SHC3: variants seen among roughly 807,000 people sequenced by gnomAD.
The protein encoded by SHC3 is SHC adaptor protein 3.
SHC3 carries 15 observed loss-of-function variants against 60.4 expected under a neutral mutation model. That is an observed-to-expected ratio of 0.25 (90% CI 0.17 to 0.38). SHC3 has a LOEUF of 0.38. SHC3 is among the 10% of genes least tolerant of loss of function. SHC3 has a pLI of 1.00. For synonymous variants in SHC3, 294 were observed against 325.9 expected, an observed-to-expected ratio of 0.90 and a Z score of 1.05; for missense variants, 677 against 786.1, an observed-to-expected ratio of 0.86 and a Z score of 1.66.
At chr9:89,061,898 G>A (rs1825096103) in intron 6 of SHC3, among the ~76,000 whole-genome samples, 1 of 152,172 alleles carries the variant, frequency 6.6e-6, no homozygotes, top group Admixed American at 6.5e-5. Flanking sequence ...CATAGTATGT[G>A]TAGGATTTGG....
At position 89,038,273 on chromosome 9, in the gene SHC3, G is replaced by T; in HGVS notation, c.1376C>A (p.Ala459Asp). 6.2e-7 allele frequency: 1 copy of T among 1,611,270 alleles called. No homozygotes were observed. Among genetic ancestry groups the T allele is most frequent in the Non-Finnish European group, 8.5e-7 (1 of 1,178,864 alleles). ...DLFDMKPFED[A>D]LKNQPLGPVL... ...GGGCCCCAAGGGCTGGTTCTTGAGA[G>T]CATCTTCAAAAGGTTCTGTCATCAA... Residue 459 changes from alanine to aspartate, a missense_variant, in exon 11 of 12, where the codon GCT becomes GAT. Transcript: ENST00000375835.
chr9:89,109,382 C>T, intron 2 of SHC3: 7 of 977,100 alleles, frequency 7.2e-6, no homozygotes, highest in Non-Finnish European at 8.5e-6. Flanking sequence ...CAGGCTCATG[C>T]ACACAGAATA....
rs571055637 is a variant in SHC3, at chr9:89,140,123, G to A, written c.475-27497C>T. Among the ~76,000 whole-genome samples, 14 of 152,312 alleles carry A rather than the reference G, an allele frequency of 9.2e-5. No homozygotes were observed. In the South Asian group the frequency reaches 1.2e-3, roughly 14 times the overall value. ...TTTTCTGACAAAATGCTTGATTTAA[G>A]CAGTCATTGTTTTTAAACCAATGAA... On this transcript the variant is annotated intron_variant, in intron 1 of 11. Transcript: ENST00000375835.
chr9:89,025,134 G>A (rs551484065), intron 11 of SHC3, among the ~76,000 whole-genome samples: 1 of 152,248 alleles, frequency 6.6e-6, no homozygotes, highest in South Asian at 2.1e-4. Flanking sequence ...ATTCCTAGAA[G>A]AGGCAAAGCC....
chr9:89,027,851 A>G (rs942804260), intron 11 of SHC3, among the ~76,000 whole-genome samples: 7 of 152,212 alleles, frequency 4.6e-5, no homozygotes, highest in African/African-American at 1.4e-4. Flanking sequence ...GGAGTCTTGC[A>G]GTGGAGGAGA....
chr9:89,124,713 C>T (rs538713304), intron 1 of SHC3, among the ~76,000 whole-genome samples: 32 of 152,006 alleles, frequency 2.1e-4, no homozygotes, highest in Middle Eastern at 6.8e-3. Context: ...GGAAGGAGAG[C>T]GTTAGGACAA....
intron 6 of SHC3, among the ~76,000 whole-genome samples, chr9:89,061,421 C>A (rs1219788026): frequency 6.6e-6 from 1 of 152,204 alleles, no homozygotes; most frequent in African/African-American, 2.4e-5. Flanking sequence ...ATTCGAGAAG[C>A]CCAGAAGAGG....
intron 8 of SHC3, 85 bp from the exon 9 acceptor site, chr9:89,045,918 G>T: frequency 1.5e-6 from 2 of 1,370,002 alleles, no homozygotes; most frequent in Non-Finnish European, 2.1e-6. Context: ...CAGTCGGCGA[G>T]TTGATCCTTA....
At chr9:89,131,805 C>T (rs1048550125) in intron 1 of SHC3, among the ~76,000 whole-genome samples, 4 of 152,266 alleles carry the variant, frequency 2.6e-5, no homozygotes, top group East Asian at 1.9e-4. Context: ...CAATATCATA[C>T]TGAATAGGCA....
At chr9:89,013,930 GC>G (rs1826051938) in intron 11 of SHC3, among the ~76,000 whole-genome samples, 1 of 152,126 alleles carries the variant, frequency 6.6e-6, no homozygotes, top group Admixed American at 6.5e-5. Context: ...TCTCAGGATA[GC>G]CCTGAACTGG....
At position 89,009,709 on chromosome 9, in the gene SHC3, C is replaced by T. The variant is rs2118623077; in HGVS notation, c.*3738G>A. 6.6e-6 allele frequency: 1 copy of T among 152,298 alleles called. No individual in the cohort carries two copies. The highest frequency in any genetic ancestry group is 1.5e-5 in the Non-Finnish European group (1 of 68,050). The allele number at this position is 152,298 out of a possible 1,614,324, so 9.4% of individuals were successfully genotyped here. A position where few individuals can be genotyped will look rare whatever the true frequency, so the allele number is the denominator to read the frequency against. Reference sequence around the variant, plus strand: ...ACTCGTGGCCCGCATTGCCTCTGCCCTGGAAAGGCCTATAGTCCGAGGCTT... The same window carrying T: ...ACTCGTGGCCCGCATTGCCTCTGCCTTGGAAAGGCCTATAGTCCGAGGCTT... On this transcript the variant is annotated 3_prime_UTR_variant, in exon 12 of 12. Transcript: ENST00000375835.
intron 7 of SHC3, among the ~76,000 whole-genome samples, chr9:89,050,872 C>T (rs1052294772): frequency 6.6e-5 from 10 of 151,818 alleles, no homozygotes; most frequent in Non-Finnish European, 1.2e-4. Flanking sequence ...TACACATCCT[C>T]CTGTCCCAGC....
chr9:89,118,100 T>A (rs1288350738), intron 1 of SHC3, among the ~76,000 whole-genome samples: 2 of 152,196 alleles, frequency 1.3e-5, no homozygotes, highest in Non-Finnish European at 2.9e-5. Flanking sequence ...TAGATTCTGA[T>A]TGAAATTTCA....
At chr9:89,079,784 TAGA>T (rs1825417165) in intron 2 of SHC3, among the ~76,000 whole-genome samples, 2 of 152,232 alleles carry the variant, frequency 1.3e-5, no homozygotes, top group Admixed American at 6.5e-5. Context: ...CATTCGCAGA[TAGA>T]AGAAGTTCCA....
chr9:89,043,122 G>T (rs1481920428), intron 9 of SHC3, among the ~76,000 whole-genome samples: 1 of 152,214 alleles, frequency 6.6e-6, no homozygotes, highest in East Asian at 1.9e-4. Context: ...GCGGTGGTGT[G>T]TTGAAGCCAG....
At chr9:89,018,791 C>T (rs1380416071) in intron 11 of SHC3, among the ~76,000 whole-genome samples, 1 of 150,124 alleles carries the variant, frequency 6.7e-6, no homozygotes, top group Admixed American at 6.6e-5. Context: ...CATGGTGGCT[C>T]ATACCTGTAA....
At chr9:89,081,616 C>G (rs968194137) in intron 2 of SHC3, among the ~76,000 whole-genome samples, 14 of 152,118 alleles carry the variant, frequency 9.2e-5, no homozygotes, top group Admixed American at 7.9e-4. Flanking sequence ...TATCCCACCC[C>G]CCTAGTCCTT....
At chr9:89,027,950 A>C (rs970875454) in intron 11 of SHC3, among the ~76,000 whole-genome samples, 19 of 152,172 alleles carry the variant, frequency 1.2e-4, no homozygotes, top group African/African-American at 4.3e-4. Flanking sequence ...GCTGCTCCCA[A>C]CTCCTTACAG....
At chr9:89,118,976 T>C (rs1443291373) in intron 1 of SHC3, among the ~76,000 whole-genome samples, 1 of 152,182 alleles carries the variant, frequency 6.6e-6, no homozygotes, top group Non-Finnish European at 1.5e-5. Context: ...TTTAAATATG[T>C]ATTTTTTACA....
Sources: allele counts gnomAD v4.1 joint callset (sites outside exome capture counted in the v4.1 genomes callset), GRCh38; gene constraint gnomAD v4.1.1; transcripts MANE v1.5; gene names NCBI Gene and HGNC (gene_info 2026-07-23, HGNC 2026-07-21).